PSPC1: variants seen among roughly 807,000 people sequenced by gnomAD.
PSPC1 encodes the protein paraspeckle component 1.
In PSPC1, 14 loss-of-function variants were observed where a neutral mutation model predicts 51.6. The ratio of observed to expected loss-of-function variants is 0.27; its 90% CI spans 0.18 to 0.42. The LOEUF is 0.42. PSPC1 is among the 10% of genes least tolerant of loss of function. The pLI is 1.00. For synonymous variants in PSPC1, 193 were observed against 231.9 expected (o/e 0.83, Z 1.53); for missense variants, 406 against 701.1 (o/e 0.58, Z 4.75).
intron 6 of PSPC1, among the ~76,000 whole-genome samples, chr13:19,723,338 T>C (rs1882998971): frequency 1.3e-5 from 2 of 152,334 alleles, no homozygotes; most frequent in Middle Eastern, 3.4e-3. Flanking sequence ...GTGTACACAG[T>C]ATGAGATTCA....
intron 6 of PSPC1, among the ~76,000 whole-genome samples, chr13:19,693,900 G>T (rs1878860984): frequency 6.6e-6 from 1 of 152,030 alleles, no homozygotes; most frequent in Non-Finnish European, 1.5e-5. Flanking sequence ...GAGATGGGCG[G>T]ATCACGAGGT....
At chr13:19,767,721 C>T (rs1243900116) in intron 2 of PSPC1, among the ~76,000 whole-genome samples, 11 of 151,720 alleles carry the variant, frequency 7.3e-5, no homozygotes, top group African/African-American at 2.2e-4. Flanking sequence ...GAGACCTGCA[C>T]GGTAACAAGG....
At chr13:19,722,446 G>A (rs1041277096) in intron 6 of PSPC1, among the ~76,000 whole-genome samples, 5 of 151,616 alleles carry the variant, frequency 3.3e-5, no homozygotes, top group South Asian at 4.2e-4. Context: ...GTCACAGGGC[G>A]CTATGATCGT....
At chr13:19,695,655 A>C (rs1378083240) in intron 6 of PSPC1, among the ~76,000 whole-genome samples, 1 of 152,168 alleles carries the variant, frequency 6.6e-6, no homozygotes, top group Admixed American at 6.5e-5. Context: ...TCCAATCAGA[A>C]GACTTCAGTA....
At chr13:19,708,839 C>A (rs531304926) in intron 7 of PSPC1, among the ~76,000 whole-genome samples, 5 of 152,142 alleles carry the variant, frequency 3.3e-5, no homozygotes, top group Non-Finnish European at 7.4e-5. Flanking sequence ...CAGAAACTAT[C>A]AATTTCCAAC....
At chr13:19,696,943 A>G (rs1184137071) in intron 6 of PSPC1, among the ~76,000 whole-genome samples, 1 of 152,230 alleles carries the variant, frequency 6.6e-6, no homozygotes, top group Non-Finnish European at 1.5e-5. Context: ...GAATTTATGC[A>G]TTAAATAACA....
At chr13:19,766,071 GT>G (rs1350600445) in intron 2 of PSPC1, among the ~76,000 whole-genome samples, 2 of 152,278 alleles carry the variant, frequency 1.3e-5, no homozygotes, top group African/African-American at 4.8e-5. Context: ...GCAGAAAAGA[GT>G]TTTAAAAAGC....
intron 6 of PSPC1, among the ~76,000 whole-genome samples, chr13:19,711,538 T>C (rs1166919342): frequency 1.3e-5 from 2 of 150,280 alleles, no homozygotes; most frequent in Non-Finnish European, 2.9e-5. Context: ...TTCGGGAGGC[T>C]GAGGCAGGAG....
At chr13:19,760,303 G>A (rs1218975811) in intron 2 of PSPC1, among the ~76,000 whole-genome samples, 2 of 152,030 alleles carry the variant, frequency 1.3e-5, no homozygotes, top group Non-Finnish European at 2.9e-5. Context: ...CAAGGCAGGC[G>A]GACTACCTCA....
intron 2 of PSPC1, among the ~76,000 whole-genome samples, chr13:19,761,846 G>A (rs1311269886): frequency 6.6e-6 from 1 of 152,152 alleles, no homozygotes; most frequent in Admixed American, 6.6e-5. Flanking sequence ...CAGATAAAAG[G>A]TGCACCTGAG....
At chr13:19,753,451 G>C (rs1886770656) in intron 3 of PSPC1, among the ~76,000 whole-genome samples, 1 of 152,058 alleles carries the variant, frequency 6.6e-6, no homozygotes, top group South Asian at 2.1e-4. Context: ...TGTTGCCCAG[G>C]CTGGTCTCAA....
rs183637238 is a variant in PSPC1, at chr13:19,760,400, C to T, written c.675-982G>A. Among the ~76,000 whole-genome samples the T allele has an allele frequency of 4.6e-3, 692 of 151,998 alleles. 5 individuals are homozygous for T. Among genetic ancestry groups the T allele is most frequent in the South Asian group, 0.027 (128 of 4,812 alleles). On this transcript the variant is annotated intron_variant, in intron 2 of 8. Coordinates refer to ENST00000338910, the MANE Select transcript of PSPC1 (RefSeq NM_001354909.2). ...AAATTTAGCCAGGCGTGGTGGCACA[C>T]GCCTGTAGTCCCAGCTACTCAGGAG...
At chr13:19,708,442 A>C (rs1445878883) in intron 7 of PSPC1, among the ~76,000 whole-genome samples, 4 of 152,230 alleles carry the variant, frequency 2.6e-5, no homozygotes, top group South Asian at 2.1e-4. Flanking sequence ...ATTTAATAAA[A>C]TTTAATTCCT....
At chr13:19,694,060 C>T (rs889147149) in intron 6 of PSPC1, among the ~76,000 whole-genome samples, 5 of 138,124 alleles carry the variant, frequency 3.6e-5, no homozygotes, top group Admixed American at 8.0e-5. Flanking sequence ...GAGGCGGAGC[C>T]TGCAGTGAGC....
chr13:19,671,555 G>A (rs867818468), downstream of PSPC1, among the ~76,000 whole-genome samples: 1 of 152,296 alleles, frequency 6.6e-6, no homozygotes, highest in Middle Eastern at 3.4e-3. Context: ...GCCTTGGTAT[G>A]GAGTTGCCAA....
intron 7 of PSPC1, among the ~76,000 whole-genome samples, chr13:19,706,272 A>G (rs927821913): frequency 6.6e-6 from 1 of 152,164 alleles, no homozygotes; most frequent in Non-Finnish European, 1.5e-5. Context: ...AAGTTGTGAG[A>G]GAGGAAATCA....
intron 8 of PSPC1, among the ~76,000 whole-genome samples, chr13:19,704,319 C>G (rs1329725420): frequency 2.0e-5 from 3 of 152,042 alleles, no homozygotes. Flanking sequence ...TGCCTCATCT[C>G]CCTGTATAAA....
At chr13:19,736,498 AC>A (rs938018911) in intron 5 of PSPC1, among the ~76,000 whole-genome samples, 4 of 151,816 alleles carry the variant, frequency 2.6e-5, no homozygotes, top group South Asian at 2.1e-4. Flanking sequence ...CCTGGCTAAC[AC>A]AGTGAAACCC....
At position 19,782,599 on chromosome 13, in the gene PSPC1, T is replaced by G. The variant is rs753725932; in HGVS notation, c.159A>C (p.Pro53=). The change falls in exon 1 of 9, where the codon CCA becomes CCC. Residue 53 remains proline, a synonymous_variant. Transcript: ENST00000338910. This position sits in a 1 kb window ranked among gnomAD's most constrained non-coding sequence, Gnocchi z 4.5. ...GEPAPPAPAP[P]EDHPDEEMGF... ...CCATCTCCTCGTCCGGGTGGTCCTC[T>G]GGAGGCGCGGGCGCGGGCGGTGCCG... 1.3e-6 allele frequency: 2 copies of G among 1,587,170 alleles called. No homozygotes were observed. Among genetic ancestry groups the G allele is most frequent in the Non-Finnish European group, 1.7e-6 (2 of 1,169,190 alleles).
Sources: gnomAD v4.1 joint callset for allele counts (sites outside exome capture counted in the v4.1 genomes callset) on GRCh38, gnomAD v4.1.1 for gene constraint, Gnocchi (gnomAD v3.1) non-coding constraint, MANE v1.5 for transcripts, NCBI Gene and HGNC (gene_info 2026-07-23, HGNC 2026-07-21) for gene names.